Variants in MDN1 observed in about 807,000 individuals in gnomAD.
MDN1 encodes the protein midasin.
Under a neutral mutation model 669.2 loss-of-function variants are expected in MDN1, and 266 were observed. The observed-to-expected ratio is 0.40, with a 90% CI of 0.36 to 0.44. The LOEUF is 0.44. MDN1 is among the 20% of genes least tolerant of loss of function. MDN1 has a pLI of 1.00. For synonymous variants in MDN1, 2,385 were observed against 2,457.1 expected, an observed-to-expected ratio of 0.97 and a Z score of 0.87; for missense variants, 5,940 against 6,754.0, an observed-to-expected ratio of 0.88 and a Z score of 4.22.
chr6:89,693,647 C>T (rs4707559), intron 62 of MDN1, among the ~76,000 whole-genome samples: 127,879 of 152,102 alleles, frequency 0.84, 53,952 homozygotes, highest in East Asian at 1. Context: ...TTTTCAGATC[C>T]GGGATGCTCA....
At chr6:89,696,260 A>G (rs1441863067) in intron 60 of MDN1, 100 bp downstream of exon 60, 19 of 1,286,356 alleles carry the variant, frequency 1.5e-5, no homozygotes, top group Non-Finnish European at 1.6e-5. Context: ...TTCAAACACC[A>G]GAACTAGCCA....
chr6:89,677,705 T>C lies in MDN1; in HGVS notation c.12413-9A>G, dbSNP rs1811301565. ...TTTGCGATACGACAAACCTAGGAAA[T>C]AAACAGCATTTCTTTAAGCAAAGAT... On this transcript the variant is annotated splice_polypyrimidine_tract_variant and intron_variant, in intron 75 of 101. Coordinates refer to ENST00000369393, the MANE Select transcript of MDN1 (RefSeq NM_014611.3). 1.2e-6 allele frequency: 2 copies of C among 1,613,838 alleles called. No homozygotes were observed. The highest frequency in any genetic ancestry group is 1.7e-6 in the Non-Finnish European group (2 of 1,179,898).
intron 90 of MDN1, among the ~76,000 whole-genome samples, chr6:89,657,671 T>C (rs1370896413): frequency 1.3e-5 from 2 of 152,212 alleles, no homozygotes; most frequent in African/African-American, 2.4e-5. Context: ...TTTCTTATTA[T>C]GCACACCACT....
intron 33 of MDN1, among the ~76,000 whole-genome samples, chr6:89,737,390 C>A (rs1816043593): frequency 6.6e-6 from 1 of 151,750 alleles, no homozygotes; most frequent in Non-Finnish European, 1.5e-5. Context: ...AAGCAGATAT[C>A]TTTTTTTTAT....
chr6:89,700,509 G>A (rs1813080053), intron 56 of MDN1, 137 bp downstream of exon 56: 2 of 822,498 alleles, frequency 2.4e-6, no homozygotes, highest in Non-Finnish European at 3.8e-6. Flanking sequence ...TCCTATGCCT[G>A]ACACTTATAT....
rs1193131479 is a variant in MDN1 at position 89,690,571 on chromosome 6, TACAG to T, written c.10749+98_10749+101del. The T allele has an allele frequency of 5.7e-6, 8 of 1,407,940 alleles. No homozygotes were observed. In the African/African-American group the frequency reaches 9.9e-5, roughly 18 times the overall value. 87.2% of individuals were successfully genotyped at this position (1,407,940 alleles called of 1,614,324 possible). A position where few individuals can be genotyped will look rare whatever the true frequency, so the allele number is the denominator to read the frequency against. ...AGACCCAGTCTCTAAAATACATACA[TACAG>T]AGAGAGAGATAAAGAGGAAGAGAGA... On this transcript the variant is annotated intron_variant, in intron 64 of 101. Coordinates refer to ENST00000369393, the MANE Select transcript of MDN1 (RefSeq NM_014611.3).
intron 83 of MDN1, among the ~76,000 whole-genome samples, chr6:89,670,170 A>ATATATATATATTTTTTTTTTTT (rs1444537561): frequency 8.5e-5 from 2 of 23,398 alleles, no homozygotes; most frequent in Non-Finnish European, 6.1e-5. Context: ...ATATATATAT[A>ATATATATATATTTTTTTTTTTT]TTTTTTTTTT....
At position 89,751,592 on chromosome 6, in the gene MDN1, A is replaced by G; in HGVS notation, c.3076-10T>C. ...TTGGCTCTGGAATAGGCTGAAAGAC[A>G]CAGAAGTTCAAGGAATAACCCACAG... On this transcript the variant is annotated splice_polypyrimidine_tract_variant and intron_variant, in intron 22 of 101. Transcript: ENST00000369393. 1.2e-6 allele frequency: 2 copies of G among 1,612,164 alleles called. No homozygotes were observed. The highest frequency in any genetic ancestry group is 1.7e-6 in the Non-Finnish European group (2 of 1,179,210).
chr6:89,678,803 A>G, intron 74 of MDN1, 58 bp from the exon 75 acceptor site: 2 of 1,555,056 alleles, frequency 1.3e-6, no homozygotes, highest in Non-Finnish European at 1.7e-6. Flanking sequence ...GGGGTCTGGT[A>G]ATGTGTTTGT....
chr6:89,787,558 G>A lies in MDN1; in HGVS notation c.1334+296C>T, dbSNP rs534296221. Among the ~76,000 whole-genome samples, 7 of 152,054 alleles carry A rather than the reference G, an allele frequency of 4.6e-5. No homozygotes were observed. The South Asian group carries it at 1.5e-3, about 32-fold the overall frequency. On this transcript the variant is annotated intron_variant, in intron 8 of 101. Coordinates refer to ENST00000369393, the MANE Select transcript of MDN1 (RefSeq NM_014611.3). ...CATAGGTACTAAGTAGCAGTGTCAGGACTCAAACCCTGGGCTATCTAACAA... is the reference window on the plus strand; with the variant it reads ...CATAGGTACTAAGTAGCAGTGTCAGAACTCAAACCCTGGGCTATCTAACAA...
Position 89,718,400 on chromosome 6 carries a change from T to A in MDN1, c.6549A>T (p.Arg2183=), listed in dbSNP as rs770945559. The change falls in exon 43 of 102, where the codon CGA becomes CGT. Residue 2183 remains arginine (R), a synonymous_variant. Coordinates refer to ENST00000369393, the MANE Select transcript of MDN1 (RefSeq NM_014611.3). ...KLEAVLLLMQ[R]LNNKINSYCK... ...AGTATGAGTTGATTTTATTGTTGAG[T>A]CGCTGCATAAGCAATAACACTGCTT... 6.2e-7 allele frequency: 1 copy of A among 1,613,938 alleles called. No homozygotes were observed. Among genetic ancestry groups the A allele is most frequent in the Non-Finnish European group, 8.5e-7 (1 of 1,180,038 alleles).
chr6:89,799,239 C>CTG (rs777395996), intron 2 of MDN1, among the ~76,000 whole-genome samples: 6 of 152,154 alleles, frequency 3.9e-5, no homozygotes. Flanking sequence ...TTCATAAAGG[C>CTG]TGTGACTGGG....
At chr6:89,707,521 A>T (rs1200528133) in intron 51 of MDN1, 45 bp from the exon 52 acceptor site, 9 of 1,204,092 alleles carry the variant, frequency 7.5e-6, no homozygotes, top group Non-Finnish European at 1.1e-5. Flanking sequence ...ATCGGTTAAT[A>T]ACATTTTCAA....
intron 51 of MDN1, 57 bp downstream of exon 51, chr6:89,708,439 G>GTA: frequency 6.3e-7 from 1 of 1,592,834 alleles, no homozygotes; most frequent in East Asian, 2.2e-5. Flanking sequence ...CTTAGGAAAG[G>GTA]TATAATCCGA....
intron 29 of MDN1, 121 bp downstream of exon 29, chr6:89,745,152 A>AAT: frequency 9.8e-6 from 10 of 1,018,466 alleles, no homozygotes; most frequent in African/African-American, 1.7e-5. Context: ...AAAAAAAAAA[A>AAT]GAAAAAAGAG....
intron 70 of MDN1, 137 bp downstream of exon 70, chr6:89,685,690 T>C: frequency 1.1e-6 from 1 of 919,310 alleles, no homozygotes; most frequent in Non-Finnish European, 1.6e-6. Flanking sequence ...ATATCTAATG[T>C]GAATCGCATT....
intron 1 of MDN1, among the ~76,000 whole-genome samples, chr6:89,811,350 T>C (rs939035412): frequency 3.9e-5 from 6 of 152,144 alleles, no homozygotes; most frequent in African/African-American, 1.4e-4. Flanking sequence ...CCCAGGGGTC[T>C]TGCTAATCAA....
intron 66 of MDN1, 21 bp from the exon 67 acceptor site, chr6:89,688,194 G>A (rs375366400): frequency 5.1e-5 from 81 of 1,601,188 alleles, no homozygotes; most frequent in Non-Finnish European, 6.2e-5. Flanking sequence ...AAAGATTTGG[G>A]TATCTCAGTA....
chr6:89,664,000 G>A (rs1487685470), intron 85 of MDN1, among the ~76,000 whole-genome samples: 1 of 151,408 alleles, frequency 6.6e-6, no homozygotes, highest in East Asian at 1.9e-4. Context: ...TATGGTTTCT[G>A]TGTGGGTATA....
Sources: allele counts gnomAD v4.1 joint callset (sites outside exome capture counted in the v4.1 genomes callset), GRCh38; gene constraint gnomAD v4.1.1; transcripts MANE v1.5; gene names NCBI Gene and HGNC (gene_info 2026-07-23, HGNC 2026-07-21).